Variants in RETSAT observed in about 807,000 individuals in gnomAD.
The protein encoded by RETSAT is retinol saturase, also known as all-trans-retinol 13,14-reductase.
Under a neutral mutation model 61.6 loss-of-function variants are expected in RETSAT, and 35 were observed. The ratio of observed to expected loss-of-function variants is 0.57; its 90% CI spans 0.43 to 0.75. The LOEUF (loss-of-function observed/expected upper bound fraction) is 0.75, where lower values mean the gene tolerates loss of function less well. Ranked by LOEUF, RETSAT falls within the 30% of genes least tolerant of loss-of-function variation. The pLI is 0.00. For synonymous variants in RETSAT, 277 were observed against 310.4 expected, an observed-to-expected ratio of 0.89 and a Z score of 1.13; for missense variants, 670 against 759.5, an observed-to-expected ratio of 0.88 and a Z score of 1.38.
At chr2:85,345,711 A>G (rs145698897) in intron 6 of RETSAT, 662 of 572,224 alleles carry the variant, frequency 1.2e-3, no homozygotes, top group Non-Finnish European at 1.8e-3. Context: ...GGAGCTTTCA[A>G]ATCAGACCAG....
At chr2:85,350,560 A>G (rs1683282105) in intron 3 of RETSAT, among the ~76,000 whole-genome samples, 1 of 152,156 alleles carries the variant, frequency 6.6e-6, no homozygotes, top group Non-Finnish European at 1.5e-5. Flanking sequence ...GGGCATCCCC[A>G]GAGGCCAGGG....
At chr2:85,351,153 GTCTGTA>G in intron 2 of RETSAT, 132 bp from the exon 3 acceptor site, 33 of 1,076,042 alleles carry the variant, frequency 3.1e-5, no homozygotes, top group South Asian at 4.5e-5. Flanking sequence ...TGCTCACTCT[GTCTGTA>G]GGGAGGTGTC....
At chr2:85,343,969 C>T (rs749287641) in intron 9 of RETSAT, 30 bp downstream of exon 9, 31 of 1,611,104 alleles carry the variant, frequency 1.9e-5, no homozygotes, top group Admixed American at 5.0e-5. Flanking sequence ...CCGTGAGGTT[C>T]GTCACCACCC....
At position 85,346,089 on chromosome 2, in the gene RETSAT, T is replaced by C. The variant is rs376151430; in HGVS notation, c.1003A>G (p.Ser335Gly). ...LDSAGKACGVSVKKGHELVNI... is the reference protein window; with the variant it reads ...LDSAGKACGVGVKKGHELVNI... ...ACCAGCTCATGCCCCTTCTTCACACTGACACCTGCAGGCACAAGAGCTTGG... is the reference window on the plus strand; with the variant it reads ...ACCAGCTCATGCCCCTTCTTCACACCGACACCTGCAGGCACAAGAGCTTGG... The change falls in exon 6 of 11, where the codon AGT becomes GGT. Residue 335 changes from serine to glycine, a missense_variant. Ser to Gly is a moderately conservative substitution (Grantham distance 56). Coordinates refer to ENST00000295802, the MANE Select transcript of RETSAT (RefSeq NM_017750.4). 2.5e-5 allele frequency: 41 copies of C among 1,611,214 alleles called. No individual in the cohort carries two copies. The East Asian group carries it at 3.3e-4, about 13-fold the overall frequency.
At position 85,344,710 on chromosome 2, in the gene RETSAT, C is replaced by T. The variant is rs541014734; in HGVS notation, c.1140G>A (p.Thr380=). ...CLPGVKQQLG[T]VRPGLGMTSV... ...AGGTCATGCCTAAGCCGGGCCGCACCGTCCCCAGTTGCTGCTTCACACCTG... is the reference window on the plus strand; with the variant it reads ...AGGTCATGCCTAAGCCGGGCCGCACTGTCCCCAGTTGCTGCTTCACACCTG... The change falls in exon 7 of 11, where the codon ACG becomes ACA. Residue 380 remains threonine, a synonymous_variant. Transcript: ENST00000295802. 1.7e-5 allele frequency: 28 copies of T among 1,614,152 alleles called. 1 individual carries two copies. The East Asian group carries it at 1.8e-4, about 10-fold the overall frequency.
chr2:85,345,902 A>AC lies in RETSAT; in HGVS notation c.1117+72dup, dbSNP rs758632835. ...CAAGAAGAGGAGAAGCATGACCCAC[A>AC]CGGAGCAGGTTGGCTCCAGAAGGGG... On this transcript the variant is annotated intron_variant, in intron 6 of 10. Coordinates refer to ENST00000295802, the MANE Select transcript of RETSAT (RefSeq NM_017750.4). 10 of 1,597,678 alleles carry AC rather than the reference A, an allele frequency of 6.3e-6. No homozygotes were observed. The South Asian group carries it at 8.8e-5, about 14-fold the overall frequency.
intron 5 of RETSAT, 129 bp from the exon 6 acceptor site, chr2:85,346,223 G>A: frequency 8.2e-7 from 1 of 1,220,208 alleles, no homozygotes; most frequent in African/African-American, 1.5e-5. Flanking sequence ...CTAGACTCAG[G>A]CAGGGCAGGC....
intron 5 of RETSAT, among the ~76,000 whole-genome samples, chr2:85,346,429 T>C (rs1356244600): frequency 6.6e-6 from 1 of 152,172 alleles, no homozygotes; most frequent in African/African-American, 2.4e-5. Context: ...TTTTCTCTGC[T>C]GCCAGAGTTG....
intron 1 of RETSAT, 36 bp downstream of exon 1, chr2:85,354,299 CG>C: frequency 1.2e-6 from 2 of 1,610,632 alleles, no homozygotes; most frequent in Non-Finnish European, 1.7e-6. Flanking sequence ...GAGAAAGCCT[CG>C]AGTGCAGCCC....
chr2:85,346,153 AC>A, intron 5 of RETSAT, 59 bp from the exon 6 acceptor site: 1 of 1,568,228 alleles, frequency 6.4e-7, no homozygotes, highest in Non-Finnish European at 8.7e-7. Context: ...AGAAAGGCCC[AC>A]GGCCCCCATG....
chr2:85,348,668 T>C (rs1383810577), intron 5 of RETSAT, among the ~76,000 whole-genome samples: 11 of 151,282 alleles, frequency 7.3e-5, no homozygotes, highest in Admixed American at 6.6e-5. Context: ...AGTCATAGAT[T>C]ACTGGGTAAA....
chr2:85,344,716 C>A lies in RETSAT; in HGVS notation c.1134G>T (p.Leu378=), dbSNP rs774459654. Reference sequence around the variant, plus strand: ...TGCCTAAGCCGGGCCGCACCGTCCCCAGTTGCTGCTTCACACCTGCCAGGG... The same window carrying A: ...TGCCTAAGCCGGGCCGCACCGTCCCAAGTTGCTGCTTCACACCTGCCAGGG... ...ARCLPGVKQQ[L]GTVRPGLGMT... Residue 378 remains leucine (L), a synonymous_variant, in exon 7 of 11, where the codon CTG becomes CTT. Coordinates refer to ENST00000295802, the MANE Select transcript of RETSAT (RefSeq NM_017750.4). 1.7e-5 allele frequency: 27 copies of A among 1,614,150 alleles called. No homozygotes were observed. Among genetic ancestry groups the A allele is most frequent in the African/African-American group, 2.7e-5 (2 of 75,070 alleles).
At chr2:85,349,621 G>T in intron 4 of RETSAT, 40 bp from the exon 5 acceptor site, 1 of 1,523,846 alleles carries the variant, frequency 6.6e-7, no homozygotes, top group Non-Finnish European at 9.1e-7. Flanking sequence ...GCAAGAGAAG[G>T]CACCAGCACC....
chr2:85,344,481 T>C, intron 7 of RETSAT, 113 bp downstream of exon 7: 5 of 1,549,102 alleles, frequency 3.2e-6, no homozygotes, highest in Non-Finnish European at 4.4e-6. Context: ...GTGACAAACT[T>C]CCAGGAGCAA....
At chr2:85,354,257 G>C in intron 1 of RETSAT, 79 bp downstream of exon 1, 1 of 1,508,470 alleles carries the variant, frequency 6.6e-7, no homozygotes, top group South Asian at 1.1e-5. Flanking sequence ...TCTGGTAGCG[G>C]CTGCCTTGGC....
At position 85,354,330 on chromosome 2, in the gene RETSAT, T is replaced by C; in HGVS notation, c.172+6A>G. On this transcript the variant is annotated splice_donor_region_variant and intron_variant, in intron 1 of 10. Transcript: ENST00000295802. ...CAGCCCCGGACCCCAGGGTCCCTCC[T>C]GCTACCTTGTTTGAGAACCTTCTTC... is the stretch of plus-strand genomic sequence containing the variant. 6.2e-7 allele frequency: 1 copy of C among 1,614,174 alleles called. No individual in the cohort carries two copies. The highest frequency in any genetic ancestry group is 8.5e-7 in the Non-Finnish European group (1 of 1,180,036).
intron 9 of RETSAT, 50 bp downstream of exon 9, chr2:85,343,949 A>G (rs1173067721): frequency 6.2e-7 from 1 of 1,604,832 alleles, no homozygotes; most frequent in Non-Finnish European, 8.5e-7. Flanking sequence ...AGGAAAGGGC[A>G]GAAACAGCAC....
At chr2:85,346,198 T>C (rs1683198691) in intron 5 of RETSAT, 104 bp from the exon 6 acceptor site, 29 of 1,472,042 alleles carry the variant, frequency 2.0e-5, no homozygotes, top group Non-Finnish European at 2.7e-5. Context: ...TTCTCAGACC[T>C]TGGAGTCCAG....
chr2:85,345,582 G>A (rs965009463), intron 6 of RETSAT: 23 of 355,624 alleles, frequency 6.5e-5, no homozygotes, highest in Non-Finnish European at 8.8e-5. Flanking sequence ...TGAAGGTGGC[G>A]GGACCTCTTA....
Sources: gnomAD v4.1 joint callset for allele counts (sites outside exome capture counted in the v4.1 genomes callset) on GRCh38, gnomAD v4.1.1 for gene constraint, MANE v1.5 for transcripts, NCBI Gene and HGNC (gene_info 2026-07-23, HGNC 2026-07-21) for gene names.